LRRTM4: variants seen among roughly 807,000 people sequenced by gnomAD.
LRRTM4 encodes the protein leucine rich repeat transmembrane neuronal 4.
LRRTM4 carries 25 observed loss-of-function variants against 47.6 expected under a neutral mutation model. The observed-to-expected ratio is 0.53, with a 90% CI of 0.38 to 0.73. LRRTM4 has a LOEUF of 0.73. Among genes scored for constraint, LRRTM4 ranks in the 30% least tolerant of loss-of-function variants. The pLI is 0.00. For synonymous variants in LRRTM4, 311 were observed against 269.5 expected, an observed-to-expected ratio of 1.15 and a Z score of -1.51; for missense variants, 638 against 713.4, an observed-to-expected ratio of 0.89 and a Z score of 1.20.
intron 3 of LRRTM4, among the ~76,000 whole-genome samples, chr2:77,295,566 T>C (rs945210205): frequency 2.0e-5 from 3 of 152,160 alleles, no homozygotes; most frequent in African/African-American, 4.8e-5. Context: ...TACTGCAGAT[T>C]GAGTGGCCTC....
At chr2:76,833,508 T>G (rs1671415489) in intron 3 of LRRTM4, among the ~76,000 whole-genome samples, 1 of 152,268 alleles carries the variant, frequency 6.6e-6, no homozygotes, top group South Asian at 2.1e-4. Flanking sequence ...TAAAAACCAG[T>G]AGAAAATTGA....
chr2:77,177,268 T>A (rs921641051), intron 3 of LRRTM4, among the ~76,000 whole-genome samples: 2 of 152,154 alleles, frequency 1.3e-5, no homozygotes, highest in South Asian at 4.1e-4. Context: ...TGAACCCCAG[T>A]TTTGGGGTTC....
intron 3 of LRRTM4, among the ~76,000 whole-genome samples, chr2:77,095,576 G>A (rs187347423): frequency 6.6e-6 from 1 of 150,950 alleles, no homozygotes; most frequent in African/African-American, 2.4e-5. Context: ...CATGATCTTG[G>A]CTCACTGCAA....
chr2:76,787,648 T>G (rs1466450049), intron 3 of LRRTM4, among the ~76,000 whole-genome samples: 1 of 152,050 alleles, frequency 6.6e-6, no homozygotes, highest in Non-Finnish European at 1.5e-5. Flanking sequence ...TAGGGAAAAC[T>G]TTGTGGTTCA....
intron 3 of LRRTM4, among the ~76,000 whole-genome samples, chr2:76,971,656 A>T (rs1363124546): frequency 6.6e-6 from 1 of 152,148 alleles, no homozygotes; most frequent in East Asian, 1.9e-4. Flanking sequence ...AGAGAATAAG[A>T]AGTAAGCTTG....
At chr2:77,154,401 A>G (rs899772548) in intron 3 of LRRTM4, among the ~76,000 whole-genome samples, 4 of 152,190 alleles carry the variant, frequency 2.6e-5, no homozygotes, top group African/African-American at 9.7e-5. Context: ...GCAAATCACT[A>G]TGTGTTTAAT....
chr2:76,912,344 T>C (rs1404598549), intron 3 of LRRTM4, among the ~76,000 whole-genome samples: 1 of 152,240 alleles, frequency 6.6e-6, no homozygotes, highest in Non-Finnish European at 1.5e-5. Flanking sequence ...AAAAATGATA[T>C]AATATTCCAT....
At position 77,518,832 on chromosome 2, in the gene LRRTM4, T is replaced by C. The variant is rs1324788011; in HGVS notation, c.1037A>G (p.Gln346Arg). Residue 346 changes from glutamine (Q) to arginine (R), a missense_variant, in exon 3 of 4, where the codon CAG becomes CGG. By Grantham distance (43) the Gln-to-Arg change is conservative (BLOSUM62 1). Coordinates refer to ENST00000409884, the MANE Select transcript of LRRTM4 (RefSeq NM_001134745.3). The stretch of plus-strand genomic sequence containing the variant: ...CACTGCATCACTAACCTTTTCACCC[T>C]GGATGTGCTTAGGTCCCGCACATAT... ...TMICAGPKHI[Q>R]GEKVSDAVET... 1 of 1,609,890 alleles carries C rather than the reference T, an allele frequency of 6.2e-7. No homozygotes were observed. The highest frequency in any genetic ancestry group is 8.5e-7 in the Non-Finnish European group (1 of 1,177,782).
chr2:76,774,388 C>T (rs1673864042), intron 3 of LRRTM4, among the ~76,000 whole-genome samples: 1 of 152,038 alleles, frequency 6.6e-6, no homozygotes, highest in South Asian at 2.1e-4. Flanking sequence ...GAAGGGGTTT[C>T]ACCATGTTGG....
chr2:77,070,682 G>T (rs117433533), intron 3 of LRRTM4, among the ~76,000 whole-genome samples: 4 of 152,090 alleles, frequency 2.6e-5, no homozygotes, highest in Admixed American at 2.6e-4. Context: ...CCAGGCTAGA[G>T]GGCAATGGCA....
intron 3 of LRRTM4, among the ~76,000 whole-genome samples, chr2:77,290,757 C>A (rs1287297418): frequency 6.6e-6 from 1 of 151,984 alleles, no homozygotes; most frequent in Non-Finnish European, 1.5e-5. Context: ...CACAACAGAG[C>A]CATACCTGTA....
chr2:77,296,563 C>G (rs1023697461), intron 3 of LRRTM4, among the ~76,000 whole-genome samples: 2 of 152,110 alleles, frequency 1.3e-5, no homozygotes, highest in African/African-American at 4.8e-5. Context: ...CTTATAACTT[C>G]TACTCCATTT....
chr2:77,120,074 T>C (rs778240505), intron 3 of LRRTM4, among the ~76,000 whole-genome samples: 10 of 151,924 alleles, frequency 6.6e-5, no homozygotes, highest in South Asian at 6.2e-4. Flanking sequence ...GATATTTCTG[T>C]CTTATGAAAA....
At chr2:76,968,325 A>G (rs765748301) in intron 3 of LRRTM4, among the ~76,000 whole-genome samples, 8 of 134,402 alleles carry the variant, frequency 6.0e-5, no homozygotes, top group Non-Finnish European at 1.3e-4. Context: ...TGTAAATACA[A>G]AAGTGTGTAT....
At chr2:77,265,911 A>G (rs1053877449) in intron 3 of LRRTM4, among the ~76,000 whole-genome samples, 2 of 152,206 alleles carry the variant, frequency 1.3e-5, no homozygotes, top group Non-Finnish European at 2.9e-5. Flanking sequence ...TTCAGATGAC[A>G]TAAGATTTAG....
chr2:77,304,548 A>G (rs1440564508), intron 3 of LRRTM4, among the ~76,000 whole-genome samples: 1 of 152,162 alleles, frequency 6.6e-6, no homozygotes, highest in Non-Finnish European at 1.5e-5. Context: ...ACCTGAAAAA[A>G]ATACTTGAGA....
chr2:77,268,254 C>T (rs1676103906), intron 3 of LRRTM4, among the ~76,000 whole-genome samples: 1 of 152,008 alleles, frequency 6.6e-6, no homozygotes, highest in African/African-American at 2.4e-5. Context: ...TCGTATTCCC[C>T]TCCTTCTTTC....
chr2:77,434,784 T>C (rs891921302), intron 3 of LRRTM4, among the ~76,000 whole-genome samples: 1 of 152,162 alleles, frequency 6.6e-6, no homozygotes, highest in Non-Finnish European at 1.5e-5. Flanking sequence ...ACCAAGCCAA[T>C]AGGTGGTAAA....
At chr2:77,492,011 A>G (rs1483319961) in intron 3 of LRRTM4, among the ~76,000 whole-genome samples, 3 of 97,584 alleles carry the variant, frequency 3.1e-5, no homozygotes, top group African/African-American at 9.1e-5. Flanking sequence ...ATAAAACATA[A>G]TATATCACTG....
Sources: allele counts gnomAD v4.1 joint callset (sites outside exome capture counted in the v4.1 genomes callset), GRCh38; gene constraint gnomAD v4.1.1; transcripts MANE v1.5; gene names NCBI Gene and HGNC (gene_info 2026-07-23, HGNC 2026-07-21).